XXYLT1: variants seen among roughly 807,000 people sequenced by gnomAD.
XXYLT1 encodes xyloside xylosyltransferase 1, also known as UDP-xylose:alpha-xyloside alpha-1,3-xylosyltransferase.
A neutral mutation model predicts 28.9 loss-of-function variants in XXYLT1; 20 were observed. That is an observed-to-expected ratio of 0.69 (90% CI 0.49 to 1.00). The LOEUF (loss-of-function observed/expected upper bound fraction) is 1.00. Among genes scored for constraint, XXYLT1 ranks in the 50% least tolerant of loss-of-function variants. The pLI is 0.00. For missense variants in XXYLT1, 542 were observed against 560.1 expected (o/e 0.97, Z 0.33); for synonymous variants, 257 against 253.8 (o/e 1.01, Z -0.12).
intron 3 of XXYLT1, among the ~76,000 whole-genome samples, chr3:195,125,243 C>T (rs1718556444): frequency 6.6e-6 from 1 of 152,386 alleles, no homozygotes; most frequent in Middle Eastern, 3.4e-3. Flanking sequence ...GGGAGCTGAA[C>T]TGATATTCAG....
rs1039430304 is a variant in XXYLT1, at chr3:195,069,466, G to A, written c.*249C>T. 2 of 500,780 alleles carry A rather than the reference G, an allele frequency of 4.0e-6. No individual in the cohort carries two copies. The highest frequency in any genetic ancestry group is 3.5e-6 in the Non-Finnish European group (1 of 286,582). 31.0% of individuals were successfully genotyped at this position (500,780 alleles called of 1,614,324 possible). On this transcript the variant is annotated 3_prime_UTR_variant, in exon 4 of 4. Transcript: ENST00000310380. ...TCAAGTGCTTGCTTCCCAGCCCACT[G>A]GACATGCGTGTCCTTTGTGTCGCCT...
intron 3 of XXYLT1, among the ~76,000 whole-genome samples, chr3:195,099,765 A>G (rs908353919): frequency 2.1e-5 from 3 of 145,516 alleles, no homozygotes; most frequent in African/African-American, 7.5e-5. Flanking sequence ...TGGGAGGCGG[A>G]GCTTGCAGTG....
In XXYLT1 at chr3:195,270,853, G is replaced by GGCGGCGAGGGCGCGGCGGGAGCC. The variant is rs1726002759; in HGVS notation, c.183_205dup (p.Pro69ArgfsTer13). The GGCGGCGAGGGCGCGGCGGGAGCC allele has an allele frequency of 1.1e-5, 15 of 1,411,802 alleles. No homozygotes were observed. Among genetic ancestry groups the GGCGGCGAGGGCGCGGCGGGAGCC allele is most frequent in the Non-Finnish European group, 1.4e-5 (15 of 1,087,610 alleles). The allele number at this position is 1,411,802 out of a possible 1,614,324, so 87.5% of individuals were successfully genotyped here. A position where few individuals can be genotyped will look rare whatever the true frequency, so the allele number is the denominator to read the frequency against. ...GGAGCCCCGCGCTAGCTCCAGCGCG[G>GGCGGCGAGGGCGCGGCGGGAGCC]GCGGCGAGGGCGCGGCGGGAGCCCC... On this transcript the variant is annotated frameshift_variant, in exon 1 of 4. Transcript: ENST00000310380. LOFTEE classifies it high-confidence loss of function.
At chr3:195,097,275 T>C (rs1716500947) in intron 3 of XXYLT1, among the ~76,000 whole-genome samples, 1 of 152,238 alleles carries the variant, frequency 6.6e-6, no homozygotes. Context: ...AGATATACTG[T>C]AGCTGACATT....
chr3:195,177,368 A>G (rs937804664), intron 2 of XXYLT1, among the ~76,000 whole-genome samples: 1 of 152,172 alleles, frequency 6.6e-6, no homozygotes, highest in African/African-American at 2.4e-5. Flanking sequence ...TGAATTCAAG[A>G]TTCTCTCTTG....
chr3:195,192,797 A>T (rs1467050843), intron 2 of XXYLT1, among the ~76,000 whole-genome samples: 1 of 152,214 alleles, frequency 6.6e-6, no homozygotes, highest in Non-Finnish European at 1.5e-5. Flanking sequence ...TGAATTAACT[A>T]AGCAATTGAT....
At chr3:195,192,582 T>C (rs1722470900) in intron 2 of XXYLT1, among the ~76,000 whole-genome samples, 1 of 152,184 alleles carries the variant, frequency 6.6e-6, no homozygotes, top group African/African-American at 2.4e-5. Context: ...ATAGAATAGC[T>C]AAGTGAAGAT....
intron 3 of XXYLT1, among the ~76,000 whole-genome samples, chr3:195,120,303 C>CCCCCCCCCT (rs1560106289): frequency 1.4e-5 from 2 of 142,168 alleles, no homozygotes; most frequent in Non-Finnish European, 1.5e-5. Context: ...GCCCCAGCCC[C>CCCCCCCCCT]CATGGCCACA....
intron 3 of XXYLT1, among the ~76,000 whole-genome samples, chr3:195,103,111 A>G (rs561075982): frequency 6.6e-6 from 1 of 152,368 alleles, no homozygotes; most frequent in East Asian, 1.9e-4. Flanking sequence ...AACGGGGAGA[A>G]GTGGCGGCTC....
At chr3:195,126,835 G>A (rs545920065) in intron 3 of XXYLT1, among the ~76,000 whole-genome samples, 1 of 152,278 alleles carries the variant, frequency 6.6e-6, no homozygotes, top group Admixed American at 6.5e-5. Flanking sequence ...CTGGCTGCCT[G>A]GTGGAAAAAC....
At chr3:195,113,598 T>C (rs181164072) in intron 3 of XXYLT1, among the ~76,000 whole-genome samples, 377 of 152,310 alleles carry the variant, frequency 2.5e-3, no homozygotes, top group Middle Eastern at 6.8e-3. Flanking sequence ...AGAATCCTTT[T>C]TCTCTTTAAT....
chr3:195,141,362 T>C (rs1319367599), intron 3 of XXYLT1, among the ~76,000 whole-genome samples: 2 of 152,214 alleles, frequency 1.3e-5, no homozygotes, highest in Admixed American at 1.3e-4. Flanking sequence ...TTCCAAATAC[T>C]TGCATAGTTT....
intron 2 of XXYLT1, among the ~76,000 whole-genome samples, chr3:195,225,271 GC>G (rs1482034987): frequency 6.6e-6 from 1 of 152,136 alleles, no homozygotes; most frequent in African/African-American, 2.4e-5. Context: ...GCCCAGTGGA[GC>G]CCCCTGAGCC....
At chr3:195,178,850 T>C (rs1450403753) in intron 2 of XXYLT1, among the ~76,000 whole-genome samples, 2 of 152,212 alleles carry the variant, frequency 1.3e-5, no homozygotes, top group African/African-American at 4.8e-5. Context: ...AGAAAGGAAA[T>C]AGGCTTCTTC....
chr3:195,232,416 CT>C (rs1443290018), intron 1 of XXYLT1, among the ~76,000 whole-genome samples: 4 of 151,870 alleles, frequency 2.6e-5, no homozygotes, highest in Non-Finnish European at 4.4e-5. Flanking sequence ...TACTTCTTTT[CT>C]TCCACTAACT....
chr3:195,074,847 G>C (rs996859276), intron 3 of XXYLT1, among the ~76,000 whole-genome samples: 2 of 152,202 alleles, frequency 1.3e-5, no homozygotes, highest in Non-Finnish European at 2.9e-5. Context: ...AAGTACCCGT[G>C]TCCCTAGAGC....
At chr3:195,157,351 C>T (rs910171981) in intron 2 of XXYLT1, among the ~76,000 whole-genome samples, 2 of 151,826 alleles carry the variant, frequency 1.3e-5, no homozygotes, top group Non-Finnish European at 2.9e-5. Context: ...ATTATGGTCT[C>T]AGGCCTTTAT....
At chr3:195,110,313 TGTG>T (rs1186361405) in intron 3 of XXYLT1, among the ~76,000 whole-genome samples, 50 of 598 alleles carry the variant, frequency 0.084, 3 homozygotes, top group South Asian at 0.33. Flanking sequence ...TATATGTGTG[TGTG>T]GGTGAGGGTG....
chr3:195,138,649 G>A (rs192292742), intron 3 of XXYLT1, among the ~76,000 whole-genome samples: 1 of 152,226 alleles, frequency 6.6e-6, no homozygotes, highest in African/African-American at 2.4e-5. Context: ...CAAGTGAGGA[G>A]TTTGAGACCA....
Sources: allele counts gnomAD v4.1 joint callset (sites outside exome capture counted in the v4.1 genomes callset), GRCh38; gene constraint gnomAD v4.1.1; transcripts MANE v1.5; gene names NCBI Gene and HGNC (gene_info 2026-07-23, HGNC 2026-07-21).